CLCNKB: variants seen among roughly 807,000 people sequenced by gnomAD.
The protein encoded by CLCNKB is chloride channel protein ClC-Kb.
A neutral mutation model predicts 83.8 loss-of-function variants in CLCNKB; 74 were observed. That is an observed-to-expected ratio of 0.88 (90% CI 0.73 to 1.07). The LOEUF is 1.07. Among genes scored for constraint, CLCNKB ranks in the 50% least tolerant of loss-of-function variants. The pLI is 0.00. For missense variants in CLCNKB, 798 were observed against 893.6 expected (o/e 0.89, Z 1.36); for synonymous variants, 358 against 356.6 (o/e 1.00, Z -0.04).
In CLCNKB at chr1:16,049,168, A is replaced by G; in HGVS notation, c.704A>G (p.Asp235Gly). ...ATGTCTTCCCACTTCTCTGTCTGGGATTACTGGAGGGGCTTCTTTGCGGCC... is the reference window on the plus strand; with the variant it reads ...ATGTCTTCCCACTTCTCTGTCTGGGGTTACTGGAGGGGCTTCTTTGCGGCC... ...EVMSSHFSVW[D>G]YWRGFFAATC... Residue 235 changes from aspartate to glycine, a missense_variant, in exon 8 of 20, where the codon GAT (aspartate) becomes GGT (glycine). Coordinates refer to ENST00000375679, the MANE Select transcript of CLCNKB (RefSeq NM_000085.5). The G allele has an allele frequency of 6.2e-7, 1 of 1,613,370 alleles. No individual in the cohort carries two copies. The highest frequency in any genetic ancestry group is 8.5e-7 in the Non-Finnish European group (1 of 1,179,972).
At chr1:16,052,091 G>T in intron 14 of CLCNKB, 107 bp from the exon 15 acceptor site, 1 of 1,408,226 alleles carries the variant, frequency 7.1e-7, no homozygotes, top group Non-Finnish European at 9.9e-7. Flanking sequence ...CCAGGCTGTG[G>T]CCTCTTACAA....
Position 16,055,721 on chromosome 1 carries a change from T to C in CLCNKB, c.1892T>C (p.Val631Ala). Reference protein sequence around the residue: ...ILAAGCPTEPVTLKLSPETSL... With the variant: ...ILAAGCPTEPATLKLSPETSL... ...GCTGCAGGCTGCCCCACAGAACCAG[T>C]GACCCTGAAGCTGTCCCCAGAGACT... Residue 631 changes from valine (V) to alanine (A), a missense_variant, in exon 18 of 20, where the codon GTG (valine) becomes GCG (alanine). Val to Ala is a moderately conservative substitution (Grantham distance 64, BLOSUM62 0). Coordinates refer to ENST00000375679, the MANE Select transcript of CLCNKB (RefSeq NM_000085.5). 1 of 1,613,872 alleles carries C rather than the reference T, an allele frequency of 6.2e-7. No individual in the cohort carries two copies. The highest frequency in any genetic ancestry group is 1.1e-5 in the South Asian group (1 of 91,082).
At position 16,051,559 on chromosome 1, in the gene CLCNKB, G is replaced by A. The variant is rs747199214; in HGVS notation, c.1297+12G>A. The stretch of plus-strand genomic sequence containing the variant: ...CATCTTTGTCTATGGTGAGTCTGGG[G>A]TCCTGAGGTTCTGAGAGTTTCGGGG... On this transcript the variant is annotated intron_variant, in intron 13 of 19. Coordinates refer to ENST00000375679, the MANE Select transcript of CLCNKB (RefSeq NM_000085.5). 1.9e-6 allele frequency: 3 copies of A among 1,613,976 alleles called. No individual in the cohort carries two copies. The highest frequency in any genetic ancestry group is 2.2e-5 in the South Asian group (2 of 91,078).
intron 8 of CLCNKB, 119 bp from the exon 9 acceptor site, chr1:16,049,499 C>T: frequency 6.8e-7 from 1 of 1,480,980 alleles, no homozygotes; most frequent in Non-Finnish European, 9.3e-7. Context: ...CCTGGAATGC[C>T]AGGACACAGA....
At chr1:16,053,903 G>C (rs2023369222) in intron 16 of CLCNKB, 131 bp downstream of exon 16, 6 of 1,256,946 alleles carry the variant, frequency 4.8e-6, no homozygotes, top group South Asian at 4.0e-5. Context: ...CCTTGGGCAA[G>C]TCACATCACC....
chr1:16,055,139 G>T (rs1271596740), intron 16 of CLCNKB, among the ~76,000 whole-genome samples: 1 of 152,112 alleles, frequency 6.6e-6, no homozygotes, highest in Non-Finnish European at 1.5e-5. Flanking sequence ...TCCCTAGCTT[G>T]CTCCTGTCTT....
rs41269169 is a variant in CLCNKB, at chr1:16,051,836, G to C, written c.1408+16G>C. ...GCTCTGGCAGGTGAGTGGGTCAGGG[G>C]CCTGCTGCGTGGGCAATGTCGTGCG... On this transcript the variant is annotated intron_variant, in intron 14 of 19. Transcript: ENST00000375679. 179,894 of 1,593,068 alleles carry C rather than the reference G, an allele frequency of 0.11. 11,467 individuals are homozygous for C. Among genetic ancestry groups the C allele is most frequent in the African/African-American group, 0.22 (16,141 of 74,350 alleles).
chr1:16,056,919 C>T lies in CLCNKB; in HGVS notation c.*3C>T, dbSNP rs372433643. 92 of 1,612,226 alleles carry T rather than the reference C, an allele frequency of 5.7e-5. No homozygotes were observed. The highest frequency in any genetic ancestry group is 1.6e-4 in the Middle Eastern group (1 of 6,078). On this transcript the variant is annotated 3_prime_UTR_variant, in exon 20 of 20. Transcript: ENST00000375679. Reference sequence around the variant, plus strand: ...CAAATCCGCCAGCCCCAAAGTGAGCCGGCCCAGCAAGATGAAACAGGGCAC... The same window carrying T: ...CAAATCCGCCAGCCCCAAAGTGAGCTGGCCCAGCAAGATGAAACAGGGCAC...
chr1:16,049,211 G>T lies in CLCNKB; in HGVS notation c.747G>T (p.Met249Ile). Residue 249 changes from methionine to isoleucine, a missense_variant, in exon 8 of 20, where the codon ATG becomes ATT. Coordinates refer to ENST00000375679, the MANE Select transcript of CLCNKB (RefSeq NM_000085.5). ...TTGCGGCCACCTGCGGGGCCTTCATGTTCCGGCTCCTGGCGGTCTTCAACA... is the reference window on the plus strand; with the variant it reads ...TTGCGGCCACCTGCGGGGCCTTCATTTTCCGGCTCCTGGCGGTCTTCAACA... ...GFFAATCGAF[M>I]FRLLAVFNSE... 1 of 1,613,786 alleles carries T rather than the reference G, an allele frequency of 6.2e-7. No individual in the cohort carries two copies.
chr1:16,052,373 G>C lies in CLCNKB; in HGVS notation c.1584G>C (p.Lys528Asn), dbSNP rs771695759. ...ATGATGGCACCGTCATTGTCAAGAAGCTGCCATACCTGCCACGGATTCTGG... is the reference window on the plus strand; with the variant it reads ...ATGATGGCACCGTCATTGTCAAGAACCTGCCATACCTGCCACGGATTCTGG... ...SFYDGTVIVK[K>N]LPYLPRILGR... Residue 528 changes from lysine to asparagine, a missense_variant, in exon 15 of 20, where the codon AAG becomes AAC. Physicochemically the swap from Lys to Asn is moderately conservative, Grantham distance 94. Transcript: ENST00000375679. The C allele has an allele frequency of 8.1e-6, 13 of 1,613,138 alleles. No homozygotes were observed. The highest frequency in any genetic ancestry group is 1.0e-5 in the Non-Finnish European group (12 of 1,180,058).
chr1:16,050,509 C>A lies in CLCNKB; in HGVS notation c.969-7C>A. ...GGCCAGCCCTAGAGCCCACCCATCCCCCACAGCAAGCCTGTGTACTCCGCT... is the reference window on the plus strand; with the variant it reads ...GGCCAGCCCTAGAGCCCACCCATCCACCACAGCAAGCCTGTGTACTCCGCT... On this transcript the variant is annotated splice_polypyrimidine_tract_variant and splice_region_variant and intron_variant, in intron 10 of 19. Transcript: ENST00000375679. 4 of 1,614,040 alleles carry A rather than the reference C, an allele frequency of 2.5e-6. No individual in the cohort carries two copies. The highest frequency in any genetic ancestry group is 3.4e-6 in the Non-Finnish European group (4 of 1,179,960).
At chr1:16,052,867 C>T (rs1185659938) in intron 15 of CLCNKB, among the ~76,000 whole-genome samples, 1 of 152,108 alleles carries the variant, frequency 6.6e-6, no homozygotes, top group African/African-American at 2.4e-5. Flanking sequence ...GCTTCTGGCA[C>T]CAGAAAAGCA....
chr1:16,051,195 A>C, intron 12 of CLCNKB, 147 bp downstream of exon 12: 5 of 1,287,386 alleles, frequency 3.9e-6, no homozygotes, highest in Non-Finnish European at 5.4e-6. Context: ...GGTCCTGGAC[A>C]AGTGGCTTCA....
At chr1:16,050,447 G>T in intron 10 of CLCNKB, 69 bp from the exon 11 acceptor site, 1 of 1,537,048 alleles carries the variant, frequency 6.5e-7, no homozygotes, top group South Asian at 1.1e-5. Flanking sequence ...GCCTTGCTAG[G>T]CCCTGCTTCC....
intron 15 of CLCNKB, 118 bp from the exon 16 acceptor site, chr1:16,053,521 T>C (rs2023355173): frequency 6.8e-7 from 1 of 1,465,414 alleles, no homozygotes. Flanking sequence ...TCTCCGGCCC[T>C]GCCCACACTC....
intron 5 of CLCNKB, 127 bp from the exon 6 acceptor site, chr1:16,048,216 C>T (rs2023161187): frequency 2.1e-6 from 3 of 1,451,670 alleles, no homozygotes; most frequent in Non-Finnish European, 1.9e-6. Flanking sequence ...TGACAAAAGC[C>T]ATCTGAGGAC....
intron 17 of CLCNKB, 58 bp downstream of exon 17, chr1:16,055,581 G>C: frequency 6.4e-7 from 1 of 1,556,488 alleles, no homozygotes; most frequent in Non-Finnish European, 8.8e-7. Flanking sequence ...GGAATGGGAG[G>C]AGAGGGGCCC....
rs200729141 is a variant in CLCNKB at position 16,051,860 on chromosome 1, C to T, written c.1408+40C>T. On this transcript the variant is annotated intron_variant, in intron 14 of 19. Coordinates refer to ENST00000375679, the MANE Select transcript of CLCNKB (RefSeq NM_000085.5). ...GGCCTGCTGCGTGGGCAATGTCGTGCGGCTGGGCTGGACCTGGAGAATTGG... is the reference window on the plus strand; with the variant it reads ...GGCCTGCTGCGTGGGCAATGTCGTGTGGCTGGGCTGGACCTGGAGAATTGG... 54 of 1,529,520 alleles carry T rather than the reference C, an allele frequency of 3.5e-5. No individual in the cohort carries two copies. The South Asian group carries it at 5.0e-4, about 14-fold the overall frequency. 94.7% of individuals were successfully genotyped at this position (1,529,520 alleles called of 1,614,324 possible).
At position 16,047,784 on chromosome 1, in the gene CLCNKB, C is replaced by G. The variant is rs1034381650; in HGVS notation, c.359-121C>G. 19 of 1,187,722 alleles carry G rather than the reference C, an allele frequency of 1.6e-5. No individual in the cohort carries two copies. The African/African-American group carries it at 2.7e-4, about 17-fold the overall frequency. 73.6% of individuals were successfully genotyped at this position (1,187,722 alleles called of 1,614,324 possible). A position where few individuals can be genotyped will look rare whatever the true frequency, so the allele number is the denominator to read the frequency against. On this transcript the variant is annotated intron_variant, in intron 4 of 19. Transcript: ENST00000375679. ...ATCTTGTCCCCAAAGGAAAATAATC[C>G]TAACTTCAGAGGGTTCTGCTGATCT... is the stretch of plus-strand genomic sequence containing the variant.
Sources: allele counts gnomAD v4.1 joint callset (sites outside exome capture counted in the v4.1 genomes callset), GRCh38; gene constraint gnomAD v4.1.1; transcripts MANE v1.5; gene names NCBI Gene and HGNC (gene_info 2026-07-23, HGNC 2026-07-21).